Variants in STXBP5L observed in about 807,000 individuals in gnomAD.
STXBP5L encodes the protein syntaxin-binding protein 5-like.
STXBP5L carries 65 observed loss-of-function variants against 144.5 expected under a neutral mutation model. The ratio of observed to expected loss-of-function variants is 0.45; its 90% CI spans 0.37 to 0.55. The LOEUF is 0.55. Ranked by LOEUF, STXBP5L falls within the 20% of genes least tolerant of loss-of-function variation. The probability of loss-of-function intolerance (pLI) is 0.00; values close to 1 mark genes in which losing one functional copy is unlikely to be tolerated. For missense variants in STXBP5L, 1,298 were observed against 1,405.5 expected, an observed-to-expected ratio of 0.92 and a Z score of 1.22; for synonymous variants, 505 against 469.6, an observed-to-expected ratio of 1.08 and a Z score of -0.97.
intron 3 of STXBP5L, among the ~76,000 whole-genome samples, chr3:121,004,426 C>T (rs1447762248): frequency 1.3e-5 from 2 of 151,904 alleles, no homozygotes; most frequent in Admixed American, 6.6e-5. Context: ...GCTGAAGTTG[C>T]CTATCAGCTT....
intron 20 of STXBP5L, among the ~76,000 whole-genome samples, chr3:121,354,984 G>T (rs1037777519): frequency 6.6e-6 from 1 of 152,092 alleles, no homozygotes; most frequent in Non-Finnish European, 1.5e-5. Flanking sequence ...ATTCTGGGTT[G>T]AAAATTCTTT....
chr3:121,037,109 A>C (rs1463836914), intron 3 of STXBP5L, among the ~76,000 whole-genome samples: 1 of 151,552 alleles, frequency 6.6e-6, no homozygotes, highest in Non-Finnish European at 1.5e-5. Flanking sequence ...CAAAAATCTT[A>C]TCTGTAGAGA....
At chr3:120,932,703 G>A (rs999833314) in intron 2 of STXBP5L, among the ~76,000 whole-genome samples, 1 of 152,026 alleles carries the variant, frequency 6.6e-6, no homozygotes, top group Non-Finnish European at 1.5e-5. Flanking sequence ...CTGGGTATAT[G>A]CCCAAAGGAT....
chr3:121,137,834 GA>G (rs1404431952), intron 7 of STXBP5L, among the ~76,000 whole-genome samples: 2 of 152,068 alleles, frequency 1.3e-5, no homozygotes, highest in Non-Finnish European at 2.9e-5. Flanking sequence ...TACTGAATGG[GA>G]AAAAGTTAAA....
chr3:121,257,312 A>G lies in STXBP5L; in HGVS notation c.1811A>G (p.Lys604Arg). 1 of 1,612,618 alleles carries G rather than the reference A, an allele frequency of 6.2e-7. No homozygotes were observed. The highest frequency in any genetic ancestry group is 8.5e-7 in the Non-Finnish European group (1 of 1,179,168). ...TNTVASEGVT[K>R]DSIPCLNVKT... ...ACTGTTGCTAGTGAAGGAGTAACAA[A>G]GGACAGTATTCCATGCCTCAAGTAA... The change falls in exon 17 of 27, where the codon AAG (lysine) becomes AGG (arginine). Residue 604 changes from lysine to arginine, a missense_variant. By Grantham distance (26) the Lys-to-Arg change is conservative. Coordinates refer to ENST00000471454, the MANE Select transcript of STXBP5L (RefSeq NM_001308330.2).
intron 14 of STXBP5L, among the ~76,000 whole-genome samples, chr3:121,242,384 G>A (rs1181113023): frequency 1.3e-5 from 2 of 152,086 alleles, no homozygotes; most frequent in Non-Finnish European, 2.9e-5. Flanking sequence ...TTATAAATAA[G>A]AGAGGGTAAA....
chr3:121,353,078 G>T (rs1410314864), intron 20 of STXBP5L, among the ~76,000 whole-genome samples: 1 of 152,154 alleles, frequency 6.6e-6, no homozygotes, highest in Non-Finnish European at 1.5e-5. Flanking sequence ...GCTGGATTCG[G>T]TTTGCCAGTA....
At chr3:120,993,233 G>A (rs1447185115) in intron 3 of STXBP5L, among the ~76,000 whole-genome samples, 3 of 152,054 alleles carry the variant, frequency 2.0e-5, no homozygotes, top group African/African-American at 7.2e-5. Context: ...TGGATAGTTT[G>A]CAAATATGTT....
intron 12 of STXBP5L, among the ~76,000 whole-genome samples, chr3:121,235,949 C>T (rs2049468192): frequency 1.3e-5 from 2 of 151,980 alleles, no homozygotes; most frequent in South Asian, 2.1e-4. Flanking sequence ...TAACAAGCAC[C>T]TCCTACCCTA....
intron 22 of STXBP5L, among the ~76,000 whole-genome samples, chr3:121,398,765 T>C (rs2046798062): frequency 6.6e-6 from 1 of 152,198 alleles, no homozygotes; most frequent in South Asian, 2.1e-4. Flanking sequence ...CAGGCCTTGA[T>C]ATAATCAACT....
At chr3:121,054,694 C>A (rs1033925383) in intron 5 of STXBP5L, among the ~76,000 whole-genome samples, 3 of 151,850 alleles carry the variant, frequency 2.0e-5, no homozygotes, top group Non-Finnish European at 2.9e-5. Context: ...ACATATGTAA[C>A]AAACCTGCAC....
chr3:121,180,500 C>G (rs768553526), intron 9 of STXBP5L, among the ~76,000 whole-genome samples: 7 of 152,180 alleles, frequency 4.6e-5, no homozygotes, highest in Non-Finnish European at 8.8e-5. Flanking sequence ...CCGTGAAGCT[C>G]ATAGGGCCTA....
At chr3:121,228,023 T>C (rs1397387739) in intron 11 of STXBP5L, among the ~76,000 whole-genome samples, 4 of 152,182 alleles carry the variant, frequency 2.6e-5, no homozygotes, top group African/African-American at 9.7e-5. Context: ...AACTTAAGAT[T>C]TGGGTCCTGG....
chr3:120,972,370 C>A (rs9831814), intron 3 of STXBP5L, among the ~76,000 whole-genome samples: 15,109 of 152,028 alleles, frequency 0.099, 1,183 homozygotes, highest in Admixed American at 0.2. Context: ...TTCTCAGCTT[C>A]ATCATTATTG....
chr3:121,345,201 A>T (rs2044907266), intron 20 of STXBP5L, among the ~76,000 whole-genome samples: 1 of 151,784 alleles, frequency 6.6e-6, no homozygotes, highest in Non-Finnish European at 1.5e-5. Flanking sequence ...GATGTTCCTC[A>T]CCCTGTATCC....
At chr3:121,194,664 T>C (rs184659908) in intron 9 of STXBP5L, among the ~76,000 whole-genome samples, 1 of 152,312 alleles carries the variant, frequency 6.6e-6, no homozygotes, top group East Asian at 1.9e-4. Flanking sequence ...TCCTCAAATG[T>C]TGGGTAGAAT....
intron 5 of STXBP5L, among the ~76,000 whole-genome samples, chr3:121,089,073 C>T (rs1277574264): frequency 2.1e-5 from 2 of 93,492 alleles, no homozygotes; most frequent in Non-Finnish European, 4.0e-5. Flanking sequence ...GCACATGTAC[C>T]CTAAAACTTA....
chr3:121,061,301 C>T (rs2041265628), intron 5 of STXBP5L, among the ~76,000 whole-genome samples: 1 of 152,082 alleles, frequency 6.6e-6, no homozygotes, highest in African/African-American at 2.4e-5. Context: ...TTTCTTAACC[C>T]CGAGTTCTAA....
At chr3:121,004,977 A>G (rs929561016) in intron 3 of STXBP5L, among the ~76,000 whole-genome samples, 1 of 152,274 alleles carries the variant, frequency 6.6e-6, no homozygotes, top group Admixed American at 6.5e-5. Context: ...GGATTTTTGC[A>G]TCGATGTTCA....
Sources: gnomAD v4.1 joint callset for allele counts (sites outside exome capture counted in the v4.1 genomes callset) on GRCh38, gnomAD v4.1.1 for gene constraint, MANE v1.5 for transcripts, NCBI Gene and HGNC (gene_info 2026-07-23, HGNC 2026-07-21) for gene names.